The following RORA variants were observed in gnomAD, a reference collection of about 807,000 sequenced individuals.
RORA encodes the protein RAR related orphan receptor A, also known as nuclear receptor ROR-alpha.
Under a neutral mutation model 69.5 loss-of-function variants are expected in RORA, and 7 were observed. That is an observed-to-expected ratio of 0.10 (90% CI 0.06 to 0.19). The LOEUF is 0.19. RORA is among the 10% of genes least tolerant of loss of function. The pLI is 1.00. For synonymous variants in RORA, 261 were observed against 240.8 expected (o/e 1.08, Z -0.78); for missense variants, 457 against 663.0 (o/e 0.69, Z 3.41).
At chr15:60,573,817 T>C (rs2067951162) in intron 2 of RORA, among the ~76,000 whole-genome samples, 1 of 152,232 alleles carries the variant, frequency 6.6e-6, no homozygotes, top group Non-Finnish European at 1.5e-5. Flanking sequence ...TATCGTCTCC[T>C]GCATTCCTCT....
At chr15:61,036,333 T>A (rs1024887847) in intron 1 of RORA, among the ~76,000 whole-genome samples, 3 of 152,200 alleles carry the variant, frequency 2.0e-5, no homozygotes, top group Non-Finnish European at 4.4e-5. Flanking sequence ...TTTGCCTTGT[T>A]GCTATTAGAT....
chr15:60,838,519 A>G (rs1001930795), intron 1 of RORA, among the ~76,000 whole-genome samples: 2 of 152,120 alleles, frequency 1.3e-5, no homozygotes, highest in African/African-American at 4.8e-5. Context: ...GCAAGATGAG[A>G]CTTGACCTGA....
chr15:60,715,287 A>T (rs1567166636), intron 1 of RORA, among the ~76,000 whole-genome samples: 1 of 152,226 alleles, frequency 6.6e-6, no homozygotes, highest in Admixed American at 6.5e-5. Flanking sequence ...GTGGATAAGA[A>T]TCTTAGTGGT....
chr15:60,556,336 CAA>C (rs1421412983), intron 2 of RORA, among the ~76,000 whole-genome samples: 1 of 152,098 alleles, frequency 6.6e-6, no homozygotes, highest in South Asian at 2.1e-4. Context: ...GGGTGCTGTG[CAA>C]AGTTTCATAA....
At chr15:61,063,269 T>C (rs2078212102) in intron 1 of RORA, among the ~76,000 whole-genome samples, 1 of 152,176 alleles carries the variant, frequency 6.6e-6, no homozygotes, top group Non-Finnish European at 1.5e-5. Context: ...TCTCTTTATT[T>C]TAGATTATCT....
intron 2 of RORA, among the ~76,000 whole-genome samples, chr15:60,634,611 G>A (rs1239122290): frequency 2.0e-5 from 3 of 151,962 alleles, no homozygotes; most frequent in Non-Finnish European, 4.4e-5. Flanking sequence ...CACCATGTTG[G>A]CCAGGCTGGT....
intron 1 of RORA, among the ~76,000 whole-genome samples, chr15:61,218,678 A>T (rs894403467): frequency 2.3e-5 from 3 of 132,870 alleles, no homozygotes; most frequent in Admixed American, 7.1e-5. Context: ...TATAACTCAC[A>T]CACACACACA....
At chr15:61,172,140 C>T (rs1052372652) in intron 1 of RORA, among the ~76,000 whole-genome samples, 1 of 148,668 alleles carries the variant, frequency 6.7e-6, no homozygotes, top group Admixed American at 6.7e-5. Context: ...GATGAAGAAA[C>T]AAAAAAAAAT....
intron 2 of RORA, among the ~76,000 whole-genome samples, chr15:60,606,337 A>G (rs2068944203): frequency 6.6e-6 from 1 of 152,254 alleles, no homozygotes; most frequent in African/African-American, 2.4e-5. Flanking sequence ...CAGCAACAAA[A>G]TAATCCCATA....
chr15:60,609,050 T>C (rs1006943968), intron 2 of RORA, among the ~76,000 whole-genome samples: 5 of 152,342 alleles, frequency 3.3e-5, no homozygotes, highest in East Asian at 1.9e-4. Context: ...CTGTATTTCA[T>C]TAATTTCATT....
intron 2 of RORA, chr15:60,593,231 A>C: frequency 2.2e-5 from 4 of 177,846 alleles, no homozygotes; most frequent in South Asian, 9.2e-5. Context: ...GTCCCCCCCA[A>C]CCCCCTTCCC....
At chr15:60,709,938 C>T (rs947903737) in intron 1 of RORA, among the ~76,000 whole-genome samples, 7 of 152,202 alleles carry the variant, frequency 4.6e-5, no homozygotes, top group African/African-American at 1.7e-4. Flanking sequence ...ACCACCCTGC[C>T]TCTGTATGCC....
chr15:60,710,782 A>T (rs973549537), intron 1 of RORA, among the ~76,000 whole-genome samples: 1 of 152,184 alleles, frequency 6.6e-6, no homozygotes, highest in African/African-American at 2.4e-5. Context: ...TCTGAAAAGC[A>T]GGGCTCTGCT....
At chr15:60,898,365 A>G (rs1010596907) in intron 1 of RORA, among the ~76,000 whole-genome samples, 4 of 151,982 alleles carry the variant, frequency 2.6e-5, no homozygotes, top group Non-Finnish European at 4.4e-5. Flanking sequence ...TTTCTGTATA[A>G]TTTTCTCAGG....
chr15:61,029,679 C>A (rs547969384), intron 1 of RORA, among the ~76,000 whole-genome samples: 23 of 152,076 alleles, frequency 1.5e-4, no homozygotes, highest in Admixed American at 3.3e-4. Flanking sequence ...CAGACTGGAT[C>A]TGAGGGTAAA....
chr15:60,846,808 C>T (rs1261624747), intron 1 of RORA, among the ~76,000 whole-genome samples: 2 of 152,220 alleles, frequency 1.3e-5, no homozygotes, highest in African/African-American at 4.8e-5. Context: ...ATAAACATTG[C>T]TATTGTTTTT....
At position 61,079,614 on chromosome 15, in the gene RORA, T is replaced by A. The variant is rs182871214; in HGVS notation, c.166+149439A>T. 1.8e-3 allele frequency among the ~76,000 whole-genome samples: 280 copies of A among 152,310 alleles called. 1 individual carries two copies. The highest frequency in any genetic ancestry group is 6.2e-3 in the African/African-American group (259 of 41,564). On this transcript the variant is annotated intron_variant, in intron 1 of 10. Coordinates refer to ENST00000335670, the MANE Select transcript of RORA (RefSeq NM_134261.3). ...GCATAACTCCATTGGCATTGTTGAATTTTTTTCTAAACTCTTGTGATAGGG... is the reference window on the plus strand; with the variant it reads ...GCATAACTCCATTGGCATTGTTGAAATTTTTTCTAAACTCTTGTGATAGGG...
chr15:60,508,053 T>C (rs2065570657), intron 5 of RORA, among the ~76,000 whole-genome samples: 1 of 152,240 alleles, frequency 6.6e-6, no homozygotes, highest in Non-Finnish European at 1.5e-5. Flanking sequence ...CATAGTCGAT[T>C]TGGCAAGTGT....
intron 1 of RORA, among the ~76,000 whole-genome samples, chr15:61,057,894 G>A (rs1270226516): frequency 6.6e-6 from 1 of 152,214 alleles, no homozygotes; most frequent in African/African-American, 2.4e-5. Flanking sequence ...CACTACGGAT[G>A]GGGAAGTTTG....
Sources: allele counts gnomAD v4.1 joint callset (sites outside exome capture counted in the v4.1 genomes callset), GRCh38; gene constraint gnomAD v4.1.1; transcripts MANE v1.5; gene names NCBI Gene and HGNC (gene_info 2026-07-23, HGNC 2026-07-21).